Variants in FARS2 observed in about 807,000 individuals in gnomAD.
FARS2 encodes the protein phenylalanyl-tRNA synthetase 2, mitochondrial.
A neutral mutation model predicts 46.4 loss-of-function variants in FARS2; 40 were observed. The ratio of observed to expected loss-of-function variants is 0.86; its 90% CI spans 0.67 to 1.12. The LOEUF (loss-of-function observed/expected upper bound fraction) is 1.12, where lower values mean the gene tolerates loss of function less well. FARS2 is among the 50% of genes most tolerant of loss of function. FARS2 has a pLI of 0.00. For missense variants in FARS2, 513 were observed against 567.9 expected (o/e 0.90, Z 0.98); for synonymous variants, 234 against 214.9 (o/e 1.09, Z -0.78).
chr6:5,394,655 T>G (rs1236691673), intron 2 of FARS2, among the ~76,000 whole-genome samples: 1 of 152,282 alleles, frequency 6.6e-6, no homozygotes, highest in Middle Eastern at 3.4e-3. Context: ...TGATATCTTA[T>G]GGAAACTCTG....
At chr6:5,540,023 A>C (rs2150485746) in intron 4 of FARS2, among the ~76,000 whole-genome samples, 1 of 152,288 alleles carries the variant, frequency 6.6e-6, no homozygotes, top group Non-Finnish European at 1.5e-5. Flanking sequence ...CATCATGGCA[A>C]CCATGGGGCT....
At chr6:5,398,415 A>C (rs907685130) in intron 2 of FARS2, among the ~76,000 whole-genome samples, 3 of 152,046 alleles carry the variant, frequency 2.0e-5, no homozygotes, top group Non-Finnish European at 4.4e-5. Context: ...TTTATTGCTG[A>C]AATTTACCCA....
upstream of FARS2, among the ~76,000 whole-genome samples, chr6:5,257,589 C>T (rs71557555): frequency 0.013 from 1,935 of 152,270 alleles, 36 homozygotes; most frequent in African/African-American, 0.036. Flanking sequence ...AGCAGTTGAG[C>T]GGTGGGTGAG....
At chr6:5,348,440 A>G (rs1351184496) in intron 1 of FARS2, among the ~76,000 whole-genome samples, 1 of 115,376 alleles carries the variant, frequency 8.7e-6, no homozygotes. Flanking sequence ...TCCCAAATGT[A>G]TATACACTCA....
intron 6 of FARS2, among the ~76,000 whole-genome samples, chr6:5,760,723 G>C (rs1461393031): frequency 6.6e-6 from 1 of 152,216 alleles, no homozygotes; most frequent in Non-Finnish European, 1.5e-5. Context: ...GGACTGGTCT[G>C]TGCAGGCTCA....
intron 6 of FARS2, among the ~76,000 whole-genome samples, chr6:5,622,803 C>G (rs1775841609): frequency 6.6e-6 from 1 of 152,224 alleles, no homozygotes; most frequent in South Asian, 2.1e-4. Flanking sequence ...TCAATCTAAG[C>G]TACTTTGTAT....
rs1762439086 is a variant in FARS2 at position 5,760,779 on chromosome 6, A to G, written c.1218-10512A>G. 2.0e-5 allele frequency among the ~76,000 whole-genome samples: 3 copies of G among 152,222 alleles called. No homozygotes were observed. In the South Asian group the frequency reaches 6.2e-4, roughly 32 times the overall value. ...GCAGAAAGGGCTTTTCCTCTGTACC[A>G]CTTAACCATGTGCCAAAGTCATGTC... On this transcript the variant is annotated intron_variant, in intron 6 of 6. Coordinates refer to ENST00000274680, the MANE Select transcript of FARS2 (RefSeq NM_006567.5).
At chr6:5,735,828 C>T (rs1308960971) in intron 6 of FARS2, among the ~76,000 whole-genome samples, 2 of 152,274 alleles carry the variant, frequency 1.3e-5, no homozygotes, top group East Asian at 1.9e-4. Context: ...TCTGTGGCAC[C>T]GTGCTTTGTG....
At chr6:5,333,788 G>T (rs1031086413) in intron 1 of FARS2, among the ~76,000 whole-genome samples, 4 of 152,166 alleles carry the variant, frequency 2.6e-5, no homozygotes, top group African/African-American at 9.7e-5. Context: ...AATTTACCAT[G>T]TAATTCTCTA....
intron 4 of FARS2, among the ~76,000 whole-genome samples, chr6:5,446,296 C>A (rs1764186784): frequency 1.3e-5 from 2 of 151,926 alleles, no homozygotes; most frequent in South Asian, 4.1e-4. Context: ...TCAGAACATC[C>A]ATTTATCATT....
At chr6:5,664,376 G>A (rs1476694306) in intron 6 of FARS2, among the ~76,000 whole-genome samples, 2 of 152,208 alleles carry the variant, frequency 1.3e-5, no homozygotes, top group East Asian at 3.9e-4. Context: ...TGCCAGGGGA[G>A]CCGAGGCCTT....
intron 4 of FARS2, among the ~76,000 whole-genome samples, chr6:5,490,426 A>G (rs1767034605): frequency 6.6e-6 from 1 of 152,170 alleles, no homozygotes; most frequent in African/African-American, 2.4e-5. Context: ...ACTGGGAGTG[A>G]AGGGTCATAT....
At chr6:5,561,883 C>T (rs1373399264) in intron 5 of FARS2, among the ~76,000 whole-genome samples, 2 of 151,926 alleles carry the variant, frequency 1.3e-5, no homozygotes, top group Admixed American at 1.3e-4. Context: ...TACTTTCTAC[C>T]AGTTTAATAA....
At chr6:5,591,366 ATCTTACGTCCCCTCCG>A (rs1275966614) in intron 5 of FARS2, among the ~76,000 whole-genome samples, 1 of 152,192 alleles carries the variant, frequency 6.6e-6, no homozygotes, top group Non-Finnish European at 1.5e-5. Flanking sequence ...ATGAGAAGAA[ATCTTACGTCCCCTCCG>A]CAACTTACAT....
chr6:5,364,346 G>A (rs892042976), intron 1 of FARS2, among the ~76,000 whole-genome samples: 2 of 152,156 alleles, frequency 1.3e-5, no homozygotes, highest in Non-Finnish European at 2.9e-5. Flanking sequence ...ATCAACCTAG[G>A]ATCAAACCAA....
rs573446574 is a variant in FARS2, at chr6:5,710,083, A to G, written c.1218-61208A>G. On this transcript the variant is annotated intron_variant, in intron 6 of 6. Transcript: ENST00000274680. Reference sequence around the variant, plus strand: ...CTGAGATGAGTGGTTGGGCCTGCCCAGCAGCCCTCCCTGCAGCCACCTTCT... The same window carrying G: ...CTGAGATGAGTGGTTGGGCCTGCCCGGCAGCCCTCCCTGCAGCCACCTTCT... Among the ~76,000 whole-genome samples the G allele has an allele frequency of 1.8e-4, 28 of 152,314 alleles. 1 individual carries two copies. Among genetic ancestry groups the G allele is most frequent in the African/African-American group, 6.5e-4 (27 of 41,566 alleles).
intron 1 of FARS2, among the ~76,000 whole-genome samples, chr6:5,268,335 T>C (rs1487578241): frequency 6.6e-6 from 1 of 152,182 alleles, no homozygotes; most frequent in Admixed American, 6.5e-5. Flanking sequence ...TTTATGGTTT[T>C]AGGTCTAACA....
intron 6 of FARS2, among the ~76,000 whole-genome samples, chr6:5,660,394 C>T (rs1216528342): frequency 6.6e-6 from 1 of 152,090 alleles, no homozygotes. Flanking sequence ...GCCCGTAATT[C>T]CAATACTTTG....
In FARS2 at chr6:5,548,392, A is replaced by C. The variant is rs146638209; in HGVS notation, c.1065+3052A>C. Among the ~76,000 whole-genome samples the C allele has an allele frequency of 1.5e-3, 226 of 152,308 alleles. 3 individuals are homozygous for C. Among genetic ancestry groups the C allele is most frequent in the African/African-American group, 4.9e-3 (205 of 41,562 alleles). ...TGAACCTTTCTATGTATATATGCAT[A>C]TATTTTTGGTTTTACCTTATGAGGA... On this transcript the variant is annotated intron_variant, in intron 5 of 6. Transcript: ENST00000274680.
Sources: gnomAD v4.1 joint callset for allele counts (sites outside exome capture counted in the v4.1 genomes callset) on GRCh38, gnomAD v4.1.1 for gene constraint, MANE v1.5 for transcripts, NCBI Gene and HGNC (gene_info 2026-07-23, HGNC 2026-07-21) for gene names.